DYNC1I1: variants seen among roughly 807,000 people sequenced by gnomAD.
The protein encoded by DYNC1I1 is cytoplasmic dynein 1 intermediate chain 1.
DYNC1I1 carries 43 observed loss-of-function variants against 86.6 expected under a neutral mutation model. That is an observed-to-expected ratio of 0.50 (90% CI 0.39 to 0.64). The LOEUF is 0.64. Ranked by LOEUF, DYNC1I1 falls within the 30% of genes least tolerant of loss-of-function variation. The pLI, the probability that DYNC1I1 is intolerant of heterozygous loss-of-function variation, is 0.00. For synonymous variants in DYNC1I1, 262 were observed against 283.7 expected (o/e 0.92, Z 0.77); for missense variants, 604 against 788.8 (o/e 0.77, Z 2.81).
intron 7 of DYNC1I1, among the ~76,000 whole-genome samples, chr7:95,977,916 G>T (rs1480061556): frequency 2.0e-5 from 3 of 152,168 alleles, no homozygotes; most frequent in African/African-American, 7.2e-5. Context: ...TATTCCCAAT[G>T]ATAACAGTAA....
rs148084923 is a variant in DYNC1I1 at position 96,009,333 on chromosome 7, C to T, written c.969+13260C>T. On this transcript the variant is annotated intron_variant, in intron 10 of 16. Transcript: ENST00000447467. ...CCAAGGCCTTGCCCTCTGCCCTGTCCCCATTAGCATCTGAGGGCTGGCCTC... is the reference window on the plus strand; with the variant it reads ...CCAAGGCCTTGCCCTCTGCCCTGTCTCCATTAGCATCTGAGGGCTGGCCTC... Among the ~76,000 whole-genome samples, 166 of 152,318 alleles carry T rather than the reference C, an allele frequency of 1.1e-3. 1 individual carries two copies. The highest frequency in any genetic ancestry group is 6.8e-3 in the Middle Eastern group (2 of 294).
chr7:96,094,142 G>T (rs535449939), intron 16 of DYNC1I1, among the ~76,000 whole-genome samples: 1 of 151,858 alleles, frequency 6.6e-6, no homozygotes, highest in Non-Finnish European at 1.5e-5. Context: ...ATTAATTTTT[G>T]TCTGTATTTC....
intron 6 of DYNC1I1, among the ~76,000 whole-genome samples, chr7:95,884,043 G>A (rs2116237318): frequency 6.6e-6 from 1 of 152,232 alleles, no homozygotes; most frequent in Middle Eastern, 3.4e-3. Flanking sequence ...TCAAATTCTG[G>A]TTCTGGAAAT....
At chr7:95,774,819 C>A (rs1462023165) in intron 1 of DYNC1I1, among the ~76,000 whole-genome samples, 3 of 152,210 alleles carry the variant, frequency 2.0e-5, no homozygotes, top group African/African-American at 7.2e-5. Flanking sequence ...CATGCCAAAT[C>A]TGAAATCTAG....
intron 10 of DYNC1I1, among the ~76,000 whole-genome samples, chr7:96,021,297 G>T (rs1253728700): frequency 6.6e-6 from 1 of 152,150 alleles, no homozygotes; most frequent in African/African-American, 2.4e-5. Flanking sequence ...CAGAAAGTCA[G>T]TTCTTGGGAC....
chr7:95,945,132 TAATC>T (rs1792363466), intron 6 of DYNC1I1, among the ~76,000 whole-genome samples: 1 of 152,004 alleles, frequency 6.6e-6, no homozygotes, highest in East Asian at 1.9e-4. Context: ...AGTGTGATGT[TAATC>T]AGATGCATTT....
intron 6 of DYNC1I1, among the ~76,000 whole-genome samples, chr7:95,935,964 T>C (rs1371032788): frequency 6.6e-6 from 1 of 151,962 alleles, no homozygotes; most frequent in Non-Finnish European, 1.5e-5. Context: ...TTAGTGAGGA[T>C]GTGGAGAAAT....
intron 9 of DYNC1I1, among the ~76,000 whole-genome samples, chr7:95,989,184 C>A (rs1396163002): frequency 2.0e-5 from 3 of 152,236 alleles, no homozygotes; most frequent in Admixed American, 2.0e-4. Context: ...GTGTTCTAGG[C>A]AGAGCTATAA....
chr7:95,961,464 T>C (rs962369639), intron 6 of DYNC1I1, among the ~76,000 whole-genome samples: 1 of 152,242 alleles, frequency 6.6e-6, no homozygotes, highest in Non-Finnish European at 1.5e-5. Context: ...GTTTGCACAC[T>C]TGATCCTTCC....
At chr7:95,815,661 A>G (rs1008670017) in intron 4 of DYNC1I1, among the ~76,000 whole-genome samples, 2 of 152,186 alleles carry the variant, frequency 1.3e-5, no homozygotes, top group African/African-American at 4.8e-5. Flanking sequence ...ATTAACTTTA[A>G]CACTTCATAA....
At chr7:95,915,117 A>AT (rs1226859954) in intron 6 of DYNC1I1, among the ~76,000 whole-genome samples, 5 of 152,214 alleles carry the variant, frequency 3.3e-5, no homozygotes, top group African/African-American at 1.2e-4. Context: ...CATGTTACTT[A>AT]GATAATTAAG....
At chr7:95,991,196 A>C (rs950190489) in intron 9 of DYNC1I1, among the ~76,000 whole-genome samples, 2 of 152,198 alleles carry the variant, frequency 1.3e-5, no homozygotes, top group African/African-American at 4.8e-5. Flanking sequence ...CCAGAATAAA[A>C]TCTAAAATCA....
At chr7:95,805,202 G>A (rs1232809460) in intron 2 of DYNC1I1, among the ~76,000 whole-genome samples, 1 of 151,912 alleles carries the variant, frequency 6.6e-6, no homozygotes, top group Non-Finnish European at 1.5e-5. Context: ...TATTTTGTGG[G>A]GTTGCACTTA....
chr7:96,058,622 A>G (rs1789656778), intron 14 of DYNC1I1, among the ~76,000 whole-genome samples: 1 of 152,060 alleles, frequency 6.6e-6, no homozygotes, highest in Admixed American at 6.6e-5. Context: ...GTGGAAACCA[A>G]AGAAACAAAT....
intron 10 of DYNC1I1, among the ~76,000 whole-genome samples, chr7:96,001,266 G>T (rs1419573157): frequency 1.3e-5 from 2 of 152,138 alleles, no homozygotes; most frequent in African/African-American, 4.8e-5. Flanking sequence ...GAGCACGTTT[G>T]CTGTCTTGTC....
At chr7:95,804,398 A>G (rs1404973713) in intron 1 of DYNC1I1, 2 of 1,266,496 alleles carry the variant, frequency 1.6e-6, no homozygotes, top group South Asian at 1.3e-5. Context: ...TCTCTTATTT[A>G]TTTTTGTTTA....
At chr7:95,803,522 C>A (rs889564385) in intron 1 of DYNC1I1, among the ~76,000 whole-genome samples, 1 of 152,194 alleles carries the variant, frequency 6.6e-6, no homozygotes, top group East Asian at 1.9e-4. Context: ...CAGTGTATTT[C>A]CCAACTTGTG....
intron 5 of DYNC1I1, among the ~76,000 whole-genome samples, chr7:95,850,918 A>C (rs1219674495): frequency 6.6e-6 from 1 of 152,138 alleles, no homozygotes; most frequent in African/African-American, 2.4e-5. Flanking sequence ...AATAAGGGTT[A>C]CTTGAACAGA....
intron 14 of DYNC1I1, among the ~76,000 whole-genome samples, chr7:96,071,782 A>G (rs142951244): frequency 6.6e-6 from 1 of 152,338 alleles, no homozygotes; most frequent in East Asian, 1.9e-4. Context: ...ATCTGACTGC[A>G]TTATTTTTAA....
Sources: allele counts gnomAD v4.1 joint callset (sites outside exome capture counted in the v4.1 genomes callset), GRCh38; gene constraint gnomAD v4.1.1; transcripts MANE v1.5; gene names NCBI Gene and HGNC (gene_info 2026-07-23, HGNC 2026-07-21).